NACC1: variants seen among roughly 807,000 people sequenced by gnomAD.
NACC1 encodes nucleus accumbens associated 1.
In NACC1, 6 loss-of-function variants were observed where a neutral mutation model predicts 41.7. The ratio of observed to expected loss-of-function variants is 0.14; its 90% CI spans 0.08 to 0.28. NACC1 has a LOEUF of 0.28. Ranked by LOEUF, NACC1 falls within the 10% of genes least tolerant of loss-of-function variation. The probability of loss-of-function intolerance (pLI) is 1.00; values close to 1 mark genes in which losing one functional copy is unlikely to be tolerated. For missense variants in NACC1, 434 were observed against 763.7 expected, an observed-to-expected ratio of 0.57 and a Z score of 5.09; for synonymous variants, 338 against 330.6, an observed-to-expected ratio of 1.02 and a Z score of -0.24.
Position 13,136,125 on chromosome 19 carries a change from G to A in NACC1, c.918G>A (p.Met306Ile). ...GGCAGATCTGCAACATGTACACCATGTACAGCATGATGAACGTCGGCCAGA... is the reference window on the plus strand; with the variant it reads ...GGCAGATCTGCAACATGTACACCATATACAGCATGATGAACGTCGGCCAGA... The part of the protein sequence containing the change: ...QYRQICNMYT[M>I]YSMMNVGQTA... The change falls in exon 2 of 6, where the codon ATG becomes ATA. Residue 306 changes from methionine to isoleucine, a missense_variant. Met to Ile is a conservative substitution (Grantham distance 10). Coordinates refer to ENST00000292431, the MANE Select transcript of NACC1 (RefSeq NM_052876.4). The surrounding 1 kb of genome is among the most constrained non-coding windows in gnomAD (Gnocchi z 5.5). 3 of 1,613,580 alleles carry A rather than the reference G, an allele frequency of 1.9e-6. No individual in the cohort carries two copies. Among genetic ancestry groups the A allele is most frequent in the Non-Finnish European group, 1.7e-6 (2 of 1,179,810 alleles).
At position 13,136,029 on chromosome 19, in the gene NACC1, C is replaced by T. The variant is rs141390990; in HGVS notation, c.822C>T (p.Ser274=). 1.9e-6 allele frequency: 3 copies of T among 1,613,852 alleles called. No homozygotes were observed. Among genetic ancestry groups the T allele is most frequent in the Non-Finnish European group, 2.5e-6 (3 of 1,179,966 alleles). The change falls in exon 2 of 6, where the codon AGC becomes AGT. Residue 274 remains serine, a synonymous_variant. Transcript: ENST00000292431. The surrounding 1 kb of genome is among the most constrained non-coding windows in gnomAD (Gnocchi z 5.5). ...CCTCAAGCGCCTACACCAGCGACAG[C>T]CCTGGCTCCTACCACAATGAGGAGG... The part of the protein sequence containing the change: ...PGTSSAYTSD[S]PGSYHNEEDE...
Position 13,137,819 on chromosome 19 carries a change from G to T in NACC1, c.1324+244G>T, listed in dbSNP as rs2019728265. On this transcript the variant is annotated intron_variant, in intron 5 of 5. Coordinates refer to ENST00000292431, the MANE Select transcript of NACC1 (RefSeq NM_052876.4). The surrounding 1 kb of genome is among the most constrained non-coding windows in gnomAD (Gnocchi z 6.1). ...GAGGGTCTCGAACTCAGGGCAGTCT[G>T]GGAGGGATGAGGCAGCCAGACAGTG... is the stretch of plus-strand genomic sequence containing the variant. 6.6e-6 allele frequency among the ~76,000 whole-genome samples: 1 copy of T among 152,222 alleles called. No individual in the cohort carries two copies. Among genetic ancestry groups the T allele is most frequent in the Non-Finnish European group, 1.5e-5 (1 of 68,034 alleles).
At chr19:13,126,992 T>C (rs1162466006) in intron 1 of NACC1, among the ~76,000 whole-genome samples, 1 of 152,022 alleles carries the variant, frequency 6.6e-6, no homozygotes, top group South Asian at 2.1e-4. Context: ...CCGAGCACTT[T>C]GGGAGGCCAA....
intron 1 of NACC1, among the ~76,000 whole-genome samples, chr19:13,119,066 C>G (rs1240962631): frequency 2.3e-5 from 2 of 86,294 alleles, no homozygotes; most frequent in African/African-American, 4.8e-5. Flanking sequence ...GGTCAGGACT[C>G]AGATGTGGGG....
chr19:13,135,980 C>T lies in NACC1; in HGVS notation c.773C>T (p.Thr258Met), dbSNP rs376729373. The stretch of plus-strand genomic sequence containing the variant: ...GGGGGTGTGGTGAGTGGGCCCAGCA[C>T]GTCGGAGCGGACCAGCCCAGGCACC... The part of the protein sequence containing the change: ...AAGGVVSGPS[T>M]SERTSPGTSS... The change falls in exon 2 of 6, where the codon ACG (threonine) becomes ATG (methionine). Residue 258 changes from threonine to methionine, a missense_variant. By Grantham distance (81) the Thr-to-Met change is moderately conservative (BLOSUM62 -1). This residue lies in a region of NACC1 where 234 missense variants were observed against 308.3 expected (regional missense o/e 0.76). Transcript: ENST00000292431. 6.2e-6 allele frequency: 10 copies of T among 1,610,110 alleles called. No homozygotes were observed. Among genetic ancestry groups the T allele is most frequent in the South Asian group, 3.3e-5 (3 of 90,356 alleles).
In NACC1 at chr19:13,136,003, A is replaced by T; in HGVS notation, c.796A>T (p.Thr266Ser). ...PSTSERTSPG[T>S]SSAYTSDSPG... The stretch of plus-strand genomic sequence containing the variant: ...CACGTCGGAGCGGACCAGCCCAGGC[A>T]CCTCAAGCGCCTACACCAGCGACAG... The change falls in exon 2 of 6, where the codon ACC becomes TCC. Residue 266 changes from threonine (T) to serine (S), a missense_variant. Around this residue, in one of 4 missense-constraint regions of NACC1, gnomAD observed 234 missense variants for 308.3 expected, o/e 0.76. Transcript: ENST00000292431. This position sits in a 1 kb window ranked among gnomAD's most constrained non-coding sequence, Gnocchi z 5.5. The T allele has an allele frequency of 6.2e-7, 1 of 1,613,206 alleles. No homozygotes were observed. The highest frequency in any genetic ancestry group is 8.5e-7 in the Non-Finnish European group (1 of 1,179,772).
In NACC1 at chr19:13,137,473, C is replaced by A; in HGVS notation, c.1227-5C>A. 6.2e-7 allele frequency: 1 copy of A among 1,606,968 alleles called. No homozygotes were observed. The highest frequency in any genetic ancestry group is 8.5e-7 in the Non-Finnish European group (1 of 1,176,938). ...GCTGACTCCCTCCATGTCCCCTGCC[C>A]CCAGGAACACGCTGGCCAACAGCTG... On this transcript the variant is annotated splice_region_variant and splice_polypyrimidine_tract_variant and intron_variant, in intron 4 of 5. Transcript: ENST00000292431. This position sits in a 1 kb window ranked among gnomAD's most constrained non-coding sequence, Gnocchi z 6.1.
At chr19:13,132,665 G>A (rs527579780) in intron 1 of NACC1, among the ~76,000 whole-genome samples, 2 of 152,252 alleles carry the variant, frequency 1.3e-5, no homozygotes, top group East Asian at 1.9e-4. Flanking sequence ...GTTGTAAGGG[G>A]CAGGGCCTGT....
Position 13,135,400 on chromosome 19 carries a change from G to A in NACC1, c.193G>A (p.Ala65Thr), listed in dbSNP as rs1370159472. The stretch of plus-strand genomic sequence containing the variant: ...GGACCTGTTCAACAACAGCCGCAGC[G>A]CCGTGGTGGAGCTGCCGGCGGCTGT... ...FRDLFNNSRS[A>T]VVELPAAVQP... The change falls in exon 2 of 6, where the codon GCC (alanine) becomes ACC (threonine). Residue 65 changes from alanine (A) to threonine (T), a missense_variant. Coordinates refer to ENST00000292431, the MANE Select transcript of NACC1 (RefSeq NM_052876.4). 1.2e-6 allele frequency: 2 copies of A among 1,613,466 alleles called. No homozygotes were observed. Among genetic ancestry groups the A allele is most frequent in the Non-Finnish European group, 1.7e-6 (2 of 1,179,906 alleles).
chr19:13,118,546 C>T (rs2019437048), intron 1 of NACC1, 92 bp downstream of exon 1: 1 of 151,094 alleles, frequency 6.6e-6, no homozygotes, highest in Admixed American at 6.6e-5. Context: ...TTTCTCGGAC[C>T]GAGGAGGAGC....
At position 13,136,495 on chromosome 19, in the gene NACC1, G is replaced by C. The variant is rs2019709199; in HGVS notation, c.1120+90G>C. 1 of 1,432,666 alleles carries C rather than the reference G, an allele frequency of 7.0e-7. No individual in the cohort carries two copies. The highest frequency in any genetic ancestry group is 9.3e-7 in the Non-Finnish European group (1 of 1,070,364). The allele number at this position is 1,432,666 out of a possible 1,614,324, so 88.7% of individuals were successfully genotyped here. ...CTGGGCAGCTGGTTAGGAGCCCCCA[G>C]CACCTCAGTTTCCCTATCTGTGCTG... On this transcript the variant is annotated intron_variant, in intron 3 of 5. Coordinates refer to ENST00000292431, the MANE Select transcript of NACC1 (RefSeq NM_052876.4). This position sits in a 1 kb window ranked among gnomAD's most constrained non-coding sequence, Gnocchi z 5.5.
rs2019725147 is a variant in NACC1 at position 13,137,595 on chromosome 19, G to C, written c.1324+20G>C. The C allele has an allele frequency of 6.5e-7, 1 of 1,545,496 alleles. No homozygotes were observed. The highest frequency in any genetic ancestry group is 2.0e-5 in the Admixed American group (1 of 50,750). The stretch of plus-strand genomic sequence containing the variant: ...TCAAGTGTGAGTGTTGGCCCAGCTG[G>C]ACGAGGCGTGGGCCCGGGGCACGCA... On this transcript the variant is annotated intron_variant, in intron 5 of 5. Transcript: ENST00000292431. The surrounding 1 kb of genome is among the most constrained non-coding windows in gnomAD (Gnocchi z 6.1).
At chr19:13,134,186 G>C (rs2019669278) in intron 1 of NACC1, among the ~76,000 whole-genome samples, 1 of 152,100 alleles carries the variant, frequency 6.6e-6, no homozygotes, top group Non-Finnish European at 1.5e-5. Context: ...ACCCTCCCTA[G>C]TAGCTGGGAC....
At position 13,129,134 on chromosome 19, in the gene NACC1, G is replaced by A. The variant is rs908027842; in HGVS notation, c.-8-6066G>A. Among the ~76,000 whole-genome samples the A allele has an allele frequency of 5.9e-5, 9 of 152,146 alleles. No homozygotes were observed. In the South Asian group the frequency reaches 8.3e-4, roughly 14 times the overall value. On this transcript the variant is annotated intron_variant, in intron 1 of 5. Coordinates refer to ENST00000292431, the MANE Select transcript of NACC1 (RefSeq NM_052876.4). ...GAGTAGCTGAGGGTGGAGGAAGAGG[G>A]TATTCCAGGCAGGGTGCACAGCTTG...
At chr19:13,127,077 A>G (rs887451042) in intron 1 of NACC1, among the ~76,000 whole-genome samples, 5 of 151,976 alleles carry the variant, frequency 3.3e-5, no homozygotes, top group African/African-American at 1.2e-4. Flanking sequence ...CTCTATTACT[A>G]AAAAATGCAC....
Position 13,139,343 on chromosome 19 carries a change from A to T in NACC1, c.*937A>T, listed in dbSNP as rs1435586683. On this transcript the variant is annotated 3_prime_UTR_variant, in exon 6 of 6. Coordinates refer to ENST00000292431, the MANE Select transcript of NACC1 (RefSeq NM_052876.4). ...CCCCACCCCCCTGTACATAATTTTT[A>T]AAACCTTTTTTTAGCGAATGAAATA... 6.6e-6 allele frequency: 1 copy of T among 151,554 alleles called. No individual in the cohort carries two copies. The highest frequency in any genetic ancestry group is 1.5e-5 in the Non-Finnish European group (1 of 67,854). The allele number at this position is 151,554 out of a possible 1,614,324, so 9.4% of individuals were successfully genotyped here. A position where few individuals can be genotyped will look rare whatever the true frequency, so the allele number is the denominator to read the frequency against.
chr19:13,130,188 C>A (rs1410849349), intron 1 of NACC1, among the ~76,000 whole-genome samples: 1 of 152,128 alleles, frequency 6.6e-6, no homozygotes, highest in African/African-American at 2.4e-5. Flanking sequence ...GTGATCCTCC[C>A]ACCTGAGCCT....
In NACC1 at chr19:13,136,254, G is replaced by A. The variant is rs369912588; in HGVS notation, c.969G>A (p.Pro323=). The A allele has an allele frequency of 4.9e-5, 79 of 1,613,448 alleles. No individual in the cohort carries two copies. Among genetic ancestry groups the A allele is most frequent in the African/African-American group, 4.7e-4 (35 of 74,906 alleles). ...CAGCCGAGAAGGTGGAGGCCCTCCC[G>A]GAGCAGGTAGCCCCCGAGTCCCGAA... ...GQTAEKVEAL[P]EQVAPESRNR... Residue 323 remains proline, a synonymous_variant, in exon 3 of 6, where the codon CCG becomes CCA. Coordinates refer to ENST00000292431, the MANE Select transcript of NACC1 (RefSeq NM_052876.4). This position sits in a 1 kb window ranked among gnomAD's most constrained non-coding sequence, Gnocchi z 5.5.
rs758196083 is a variant in NACC1 at position 13,137,419 on chromosome 19, C to T, written c.1226+43C>T. 3 of 1,611,338 alleles carry T rather than the reference C, an allele frequency of 1.9e-6. No homozygotes were observed. In the Admixed American group the frequency reaches 5.0e-5, roughly 27 times the overall value. Reference sequence around the variant, plus strand: ...GCCCCAGGGAGGGGGGTGGGGTTTCCCCATGTCCCCCCCACCACCAACTTG... The same window carrying T: ...GCCCCAGGGAGGGGGGTGGGGTTTCTCCATGTCCCCCCCACCACCAACTTG... On this transcript the variant is annotated intron_variant, in intron 4 of 5. Transcript: ENST00000292431. The surrounding 1 kb of genome is among the most constrained non-coding windows in gnomAD (Gnocchi z 6.1).
Sources: allele counts gnomAD v4.1 joint callset (sites outside exome capture counted in the v4.1 genomes callset), GRCh38; gene constraint gnomAD v4.1.1; regional missense constraint gnomAD v4.1.1; non-coding constraint Gnocchi (gnomAD v3.1); transcripts MANE v1.5; gene names NCBI Gene and HGNC (gene_info 2026-07-23, HGNC 2026-07-21).